The following SNTB1 variants were observed in gnomAD, a reference collection of about 807,000 sequenced individuals.
SNTB1 encodes the protein syntrophin beta 1.
SNTB1 carries 36 observed loss-of-function variants against 48.9 expected under a neutral mutation model. The observed-to-expected ratio is 0.74, with a 90% confidence interval of 0.56 to 0.97. The LOEUF is 0.97. Among genes scored for constraint, SNTB1 ranks in the 50% least tolerant of loss-of-function variants. The pLI, the probability that SNTB1 is intolerant of heterozygous loss-of-function variation, is 0.00. For synonymous variants in SNTB1, 299 were observed against 294.6 expected, an observed-to-expected ratio of 1.01 and a Z score of -0.15; for missense variants, 786 against 703.4, an observed-to-expected ratio of 1.12 and a Z score of -1.33.
At chr8:120,562,961 T>G (rs989636450) in intron 4 of SNTB1, among the ~76,000 whole-genome samples, 1 of 152,194 alleles carries the variant, frequency 6.6e-6, no homozygotes, top group African/African-American at 2.4e-5. Flanking sequence ...AGCAGAAATA[T>G]TCAGCATGCC....
intron 1 of SNTB1, among the ~76,000 whole-genome samples, chr8:120,783,860 TAAA>T (rs1394967655): frequency 6.6e-6 from 1 of 152,154 alleles, no homozygotes; most frequent in East Asian, 1.9e-4. Flanking sequence ...ATAACGCAAG[TAAA>T]TAATAATACA....
At chr8:120,684,681 G>A (rs1817997813) in intron 2 of SNTB1, among the ~76,000 whole-genome samples, 2 of 149,022 alleles carry the variant, frequency 1.3e-5, no homozygotes, top group Admixed American at 1.3e-4. Context: ...TTGAGACTGA[G>A]TCTCATTCTG....
chr8:120,650,657 C>T (rs894512802), intron 2 of SNTB1, among the ~76,000 whole-genome samples: 1 of 152,176 alleles, frequency 6.6e-6, no homozygotes, highest in Non-Finnish European at 1.5e-5. Flanking sequence ...CTATATATCT[C>T]CATTGCCTGG....
chr8:120,587,731 A>G (rs549362072), intron 3 of SNTB1, among the ~76,000 whole-genome samples: 82 of 152,198 alleles, frequency 5.4e-4, no homozygotes, highest in Non-Finnish European at 9.0e-4. Context: ...CCATGGCTCC[A>G]ATTCCCATTT....
chr8:120,743,164 G>A (rs561212138), intron 1 of SNTB1, among the ~76,000 whole-genome samples: 64 of 152,232 alleles, frequency 4.2e-4, no homozygotes, highest in African/African-American at 1.4e-3. Flanking sequence ...GGGTTTTTCT[G>A]CTCAATTGTT....
At chr8:120,700,978 G>A (rs1448008510) in intron 1 of SNTB1, among the ~76,000 whole-genome samples, 1 of 152,186 alleles carries the variant, frequency 6.6e-6, no homozygotes, top group African/African-American at 2.4e-5. Context: ...AAACACAAAT[G>A]TGGAGTTTTA....
chr8:120,808,208 G>A (rs1164781346), intron 1 of SNTB1, among the ~76,000 whole-genome samples: 1 of 152,030 alleles, frequency 6.6e-6, no homozygotes, highest in Non-Finnish European at 1.5e-5. Context: ...CTACCGTACC[G>A]GCCACTATGT....
chr8:120,808,330 G>A (rs1193666941), intron 1 of SNTB1, among the ~76,000 whole-genome samples: 2 of 152,164 alleles, frequency 1.3e-5, no homozygotes, highest in Non-Finnish European at 2.9e-5. Flanking sequence ...GTAAAGCCTG[G>A]CACATATTAA....
At chr8:120,612,413 C>T (rs1249158940) in intron 3 of SNTB1, among the ~76,000 whole-genome samples, 1 of 152,202 alleles carries the variant, frequency 6.6e-6, no homozygotes, top group Non-Finnish European at 1.5e-5. Flanking sequence ...TGGTGTTCCA[C>T]AATGCAGTAT....
At chr8:120,698,642 T>A (rs1474785673) in intron 1 of SNTB1, among the ~76,000 whole-genome samples, 2 of 152,220 alleles carry the variant, frequency 1.3e-5, no homozygotes, top group East Asian at 3.8e-4. Context: ...ATGGTCCTTC[T>A]TGCTGGAAGA....
chr8:120,693,855 C>T lies in SNTB1; in HGVS notation c.625G>A (p.Glu209Lys), dbSNP rs745686062. The change falls in exon 2 of 7, where the codon GAG (glutamate) becomes AAG (lysine). Residue 209 changes from glutamate to lysine, a missense_variant. Transcript: ENST00000517992. ...PYVKKGSPVSEIGWETPPPES... is the reference protein window; with the variant it reads ...PYVKKGSPVSKIGWETPPPES... The stretch of plus-strand genomic sequence containing the variant: ...GGCGGAGGTGTTTCCCACCCAATCT[C>T]GGATACTGGGGATCCTTTCTTCACA... 24 of 1,614,004 alleles carry T rather than the reference C, an allele frequency of 1.5e-5. 1 individual carries two copies. The highest frequency in any genetic ancestry group is 8.8e-5 in the South Asian group (8 of 91,066).
chr8:120,537,149 A>AC lies in SNTB1; in HGVS notation c.*1727_*1728insG, dbSNP rs1274450398. Reference sequence around the variant, plus strand: ...GTGTTTTCTAAAGCATTAAAAAAAAAAAACAAATAACAACAACAAAAAAAC... The same window carrying AC: ...GTGTTTTCTAAAGCATTAAAAAAAAACAAACAAATAACAACAACAAAAAAAC... On this transcript the variant is annotated 3_prime_UTR_variant, in exon 7 of 7. Transcript: ENST00000517992. The AC allele has an allele frequency of 1.4e-5, 2 of 146,236 alleles. No homozygotes were observed. The highest frequency in any genetic ancestry group is 2.9e-5 in the Non-Finnish European group (2 of 67,874). The allele number at this position is 146,236 out of a possible 1,614,324, so 9.1% of individuals were successfully genotyped here.
Position 120,536,280 on chromosome 8 carries a change from T to C in SNTB1, c.*2597A>G, listed in dbSNP as rs147996781. On this transcript the variant is annotated 3_prime_UTR_variant, in exon 7 of 7. Coordinates refer to ENST00000517992, the MANE Select transcript of SNTB1 (RefSeq NM_021021.4). ...TACAGATTAAAACATCATTCATTTA[T>C]ATTGGTTTTCATTTGGGGACAAACA... The C allele has an allele frequency of 4.6e-5, 7 of 152,354 alleles. No homozygotes were observed. The East Asian group carries it at 9.6e-4, about 21-fold the overall frequency. 9.4% of individuals were successfully genotyped at this position (152,354 alleles called of 1,614,324 possible). A position where few individuals can be genotyped will look rare whatever the true frequency, so the allele number is the denominator to read the frequency against.
At chr8:120,792,499 C>CT (rs1424964745) in intron 1 of SNTB1, among the ~76,000 whole-genome samples, 2 of 151,854 alleles carry the variant, frequency 1.3e-5, no homozygotes, top group Admixed American at 1.3e-4. Flanking sequence ...GCTTTTAAAT[C>CT]TTTTTTAATT....
chr8:120,585,519 A>G (rs1816125235), intron 3 of SNTB1, among the ~76,000 whole-genome samples: 2 of 152,264 alleles, frequency 1.3e-5, no homozygotes, highest in Non-Finnish European at 2.9e-5. Context: ...ATTCAAGACT[A>G]AGGTGGAAAT....
chr8:120,770,910 A>T (rs1204644320), intron 1 of SNTB1, among the ~76,000 whole-genome samples: 2 of 152,200 alleles, frequency 1.3e-5, no homozygotes, highest in African/African-American at 2.4e-5. Context: ...GTCTGGTCCC[A>T]TGTTTACAGA....
At chr8:120,811,147 C>G in intron 1 of SNTB1, 126 bp downstream of exon 1, 1 of 1,271,960 alleles carries the variant, frequency 7.9e-7, no homozygotes, top group Non-Finnish European at 1.0e-6. Context: ...CCCCCCAACA[C>G]ACACACACCC....
intron 2 of SNTB1, among the ~76,000 whole-genome samples, chr8:120,686,075 G>A (rs1028344227): frequency 6.6e-6 from 1 of 152,152 alleles, no homozygotes; most frequent in African/African-American, 2.4e-5. Flanking sequence ...GGCCACATAA[G>A]ATAATTTCGA....
chr8:120,567,754 C>T (rs1815777434), intron 4 of SNTB1, among the ~76,000 whole-genome samples: 1 of 151,568 alleles, frequency 6.6e-6, no homozygotes, highest in Non-Finnish European at 1.5e-5. Flanking sequence ...ATAATATTAC[C>T]CAAGGTGATT....
Sources: gnomAD v4.1 joint callset for allele counts (sites outside exome capture counted in the v4.1 genomes callset) on GRCh38, gnomAD v4.1.1 for gene constraint, MANE v1.5 for transcripts, NCBI Gene and HGNC (gene_info 2026-07-23, HGNC 2026-07-21) for gene names.